Variants in CSMD1 observed in about 807,000 individuals in gnomAD.
CSMD1 encodes the protein CUB and sushi domain-containing protein 1.
A neutral mutation model predicts 417.5 loss-of-function variants in CSMD1; 213 were observed. That is an observed-to-expected ratio of 0.51 (90% CI 0.46 to 0.57). The LOEUF (loss-of-function observed/expected upper bound fraction) is 0.57, where lower values mean the gene tolerates loss of function less well. CSMD1 is among the 20% of genes least tolerant of loss of function. The pLI, the probability that CSMD1 is intolerant of heterozygous loss-of-function variation, is 0.00. For missense variants in CSMD1, 6,923 were observed against 4,529.7 expected (o/e 1.53, Z -15.17); for synonymous variants, 2,862 against 1,736.8 (o/e 1.65, Z -16.11).
At chr8:4,663,667 C>T (rs935311887) in intron 1 of CSMD1, among the ~76,000 whole-genome samples, 1 of 152,210 alleles carries the variant, frequency 6.6e-6, no homozygotes, top group African/African-American at 2.4e-5. Context: ...CCTGAGACCT[C>T]CCCAGCCATG....
At chr8:4,787,272 C>G in intron 1 of CSMD1, 1 of 611,304 alleles carries the variant, frequency 1.6e-6, no homozygotes, top group Non-Finnish European at 3.0e-6. Flanking sequence ...GATCACCCCT[C>G]TTTTCTAGAG....
At chr8:4,104,173 G>GC (rs1171052501) in intron 3 of CSMD1, among the ~76,000 whole-genome samples, 3 of 152,222 alleles carry the variant, frequency 2.0e-5, no homozygotes, top group African/African-American at 7.2e-5. Context: ...GATTTTCACT[G>GC]GAATTTAGTT....
In CSMD1 at chr8:3,252,687, G is replaced by C. The variant is rs180784009; in HGVS notation, c.4154-22456C>G. 1.2e-4 allele frequency among the ~76,000 whole-genome samples: 18 copies of C among 152,236 alleles called. No individual in the cohort carries two copies. In the East Asian group the frequency reaches 3.3e-3, roughly 28 times the overall value. On this transcript the variant is annotated intron_variant, in intron 26 of 69. Coordinates refer to ENST00000635120, the MANE Select transcript of CSMD1 (RefSeq NM_033225.6). ...TAGAATTTGGCTGTGAATCCATCTG[G>C]TCCTGGACTTTTTTTAGGTTGGTAA...
At chr8:3,784,050 G>A (rs1372542550) in intron 5 of CSMD1, among the ~76,000 whole-genome samples, 1 of 152,212 alleles carries the variant, frequency 6.6e-6, no homozygotes, top group Non-Finnish European at 1.5e-5. Flanking sequence ...GCACTGTTGT[G>A]AAGATTGAAA....
At chr8:4,722,636 A>T (rs1182139326) in intron 1 of CSMD1, among the ~76,000 whole-genome samples, 3 of 152,164 alleles carry the variant, frequency 2.0e-5, no homozygotes, top group Non-Finnish European at 2.9e-5. Context: ...CAGGCAATGT[A>T]ATAGTCTCAG....
chr8:3,564,456 A>T (rs960377330), intron 10 of CSMD1, among the ~76,000 whole-genome samples: 1 of 151,710 alleles, frequency 6.6e-6, no homozygotes, highest in African/African-American at 2.4e-5. Flanking sequence ...CCTCTGTAAC[A>T]CTTTACGTTG....
chr8:3,063,951 C>A (rs867461685), intron 49 of CSMD1, among the ~76,000 whole-genome samples: 1 of 152,118 alleles, frequency 6.6e-6, no homozygotes, highest in East Asian at 1.9e-4. Flanking sequence ...GAACTGTACA[C>A]TTAAAAATGA....
At chr8:3,494,768 G>C (rs951186668) in intron 10 of CSMD1, among the ~76,000 whole-genome samples, 2 of 152,154 alleles carry the variant, frequency 1.3e-5, no homozygotes, top group African/African-American at 4.8e-5. Flanking sequence ...AGAAGGGACA[G>C]GAGGAACAGA....
intron 10 of CSMD1, among the ~76,000 whole-genome samples, chr8:3,555,020 G>A (rs1250741848): frequency 1.3e-5 from 2 of 152,104 alleles, no homozygotes; most frequent in African/African-American, 4.8e-5. Context: ...AGGAAGGGAA[G>A]AAGACTGTGC....
At chr8:3,241,148 T>C (rs1030037595) in intron 26 of CSMD1, among the ~76,000 whole-genome samples, 65 of 151,674 alleles carry the variant, frequency 4.3e-4, no homozygotes, top group Middle Eastern at 6.8e-3. Flanking sequence ...AGTCCAGGAA[T>C]AGTTAGGGAA....
chr8:4,682,778 G>C (rs1468829817), intron 1 of CSMD1, among the ~76,000 whole-genome samples: 1 of 151,142 alleles, frequency 6.6e-6, no homozygotes, highest in Non-Finnish European at 1.5e-5. Context: ...CCTTCAGTAA[G>C]TATATACGAA....
At chr8:2,948,953 T>G (rs531601467) in intron 68 of CSMD1, among the ~76,000 whole-genome samples, 19 of 151,854 alleles carry the variant, frequency 1.3e-4, no homozygotes, top group South Asian at 8.3e-4. Context: ...GTTGGCCACT[T>G]TTAATTACTC....
chr8:4,314,515 G>A (rs559594197), intron 3 of CSMD1, among the ~76,000 whole-genome samples: 1 of 152,198 alleles, frequency 6.6e-6, no homozygotes, highest in Admixed American at 6.5e-5. Context: ...CTTTGCTAAT[G>A]CCTTGGGATT....
At chr8:4,039,754 G>C (rs1435838083) in intron 3 of CSMD1, among the ~76,000 whole-genome samples, 1 of 152,122 alleles carries the variant, frequency 6.6e-6, no homozygotes, top group African/African-American at 2.4e-5. Flanking sequence ...AATTGATGTG[G>C]GGGAAGTCGT....
At chr8:4,946,776 C>T (rs965234033) in intron 1 of CSMD1, among the ~76,000 whole-genome samples, 2 of 152,122 alleles carry the variant, frequency 1.3e-5, no homozygotes, top group African/African-American at 4.8e-5. Context: ...ATGTTACTGG[C>T]TTCACTACAG....
At chr8:4,442,254 T>A (rs1798526242) in intron 2 of CSMD1, among the ~76,000 whole-genome samples, 1 of 152,196 alleles carries the variant, frequency 6.6e-6, no homozygotes, top group Non-Finnish European at 1.5e-5. Context: ...TTATTAATCT[T>A]TAAAATTTTG....
chr8:4,058,890 G>C (rs1166236685), intron 3 of CSMD1, among the ~76,000 whole-genome samples: 1 of 151,972 alleles, frequency 6.6e-6, no homozygotes, highest in Non-Finnish European at 1.5e-5. Context: ...CAACGAGAGA[G>C]AAAGTTAACA....
chr8:4,256,571 C>G (rs980873276), intron 3 of CSMD1, among the ~76,000 whole-genome samples: 1 of 152,122 alleles, frequency 6.6e-6, no homozygotes, highest in Non-Finnish European at 1.5e-5. Flanking sequence ...CTTTAAAACC[C>G]CATGGGAAGG....
chr8:4,451,080 C>G (rs1006313539), intron 2 of CSMD1, among the ~76,000 whole-genome samples: 1 of 152,140 alleles, frequency 6.6e-6, no homozygotes, highest in African/African-American at 2.4e-5. Flanking sequence ...CAGTCAAGCA[C>G]TTTGGGAGGC....
Sources: gnomAD v4.1 joint callset for allele counts (sites outside exome capture counted in the v4.1 genomes callset) on GRCh38, gnomAD v4.1.1 for gene constraint, MANE v1.5 for transcripts, NCBI Gene and HGNC (gene_info 2026-07-23, HGNC 2026-07-21) for gene names.